MYH9: variants seen among roughly 807,000 people sequenced by gnomAD.
The protein encoded by MYH9 is myosin-9.
Under a neutral mutation model 241.9 loss-of-function variants are expected in MYH9, and 29 were observed. That is an observed-to-expected ratio of 0.12 (90% CI 0.09 to 0.16). MYH9 has a LOEUF of 0.16. Ranked by LOEUF, MYH9 falls within the 10% of genes least tolerant of loss-of-function variation. MYH9 has a pLI of 1.00. For synonymous variants in MYH9, 1,047 were observed against 1,062.6 expected, an observed-to-expected ratio of 0.99 and a Z score of 0.29; for missense variants, 1,803 against 2,595.5, an observed-to-expected ratio of 0.69 and a Z score of 6.63.
chr22:36,375,513 G>A (rs1224162258), intron 1 of MYH9, among the ~76,000 whole-genome samples: 1 of 152,234 alleles, frequency 6.6e-6, no homozygotes, highest in Non-Finnish European at 1.5e-5. Flanking sequence ...AGCCACTGGT[G>A]AGGGTGGAGG....
intron 1 of MYH9, among the ~76,000 whole-genome samples, chr22:36,354,840 T>C (rs1023550991): frequency 6.6e-6 from 1 of 151,968 alleles, no homozygotes; most frequent in African/African-American, 2.4e-5. Flanking sequence ...TCCCATCCAA[T>C]TGTTTTCCAA....
At chr22:36,340,991 G>A (rs1054559815) in intron 3 of MYH9, among the ~76,000 whole-genome samples, 2 of 152,084 alleles carry the variant, frequency 1.3e-5, no homozygotes, top group Non-Finnish European at 2.9e-5. Flanking sequence ...GAACTCGAAC[G>A]TGTTTCTAGA....
intron 5 of MYH9, 87 bp from the exon 6 acceptor site, chr22:36,322,608 G>A (rs1603483477): frequency 7.6e-7 from 1 of 1,322,026 alleles, no homozygotes; most frequent in Non-Finnish European, 1.1e-6. Flanking sequence ...CGATGGCAGA[G>A]CCGTGTCAGC....
In MYH9 at chr22:36,282,555, G is replaced by A. The variant is rs2016508914; in HGVS notation, c.*113C>T. 3 of 990,348 alleles carry A rather than the reference G, an allele frequency of 3.0e-6. No homozygotes were observed. The highest frequency in any genetic ancestry group is 3.2e-6 in the Non-Finnish European group (2 of 621,742). The allele number at this position is 990,348 out of a possible 1,614,324, so 61.3% of individuals were successfully genotyped here. A position where few individuals can be genotyped will look rare whatever the true frequency, so the allele number is the denominator to read the frequency against. Reference sequence around the variant, plus strand: ...GGGGGGACGGGGCGGAGGGCAGGAGGAGGCATGTTCACAGCAGTCCCAAGA... The same window carrying A: ...GGGGGGACGGGGCGGAGGGCAGGAGAAGGCATGTTCACAGCAGTCCCAAGA... On this transcript the variant is annotated 3_prime_UTR_variant, in exon 41 of 41. Coordinates refer to ENST00000216181, the MANE Select transcript of MYH9 (RefSeq NM_002473.6).
In MYH9 at chr22:36,320,876, C is replaced by T. The variant is rs1050634599; in HGVS notation, c.790G>A (p.Ala264Thr). Residue 264 changes from alanine to threonine, a missense_variant, in exon 8 of 41, where the codon GCT becomes ACT. Transcript: ENST00000216181. This position sits in a 1 kb window ranked among gnomAD's most constrained non-coding sequence, Gnocchi z 4.8. ...CGTTCTTCCTTGGCTTGGCGGATAG[C>T]ACGAGATTTCTCCAAAAGATCTTTG... ...IETYLLEKSR[A>T]IRQAKEERTF... 6.8e-6 allele frequency: 11 copies of T among 1,613,762 alleles called. No individual in the cohort carries two copies. The highest frequency in any genetic ancestry group is 7.6e-6 in the Non-Finnish European group (9 of 1,179,866).
chr22:36,376,536 G>A (rs2018169998), intron 1 of MYH9, among the ~76,000 whole-genome samples: 1 of 152,200 alleles, frequency 6.6e-6, no homozygotes, highest in Admixed American at 6.5e-5. Context: ...CCAGCACAGT[G>A]CAGACCACAT....
chr22:36,350,130 TAA>T (rs199889869), intron 1 of MYH9, among the ~76,000 whole-genome samples: 1 of 152,202 alleles, frequency 6.6e-6, no homozygotes, highest in Non-Finnish European at 1.5e-5. Flanking sequence ...TGGAGAATGC[TAA>T]GAGTGCTTCC....
At chr22:36,331,107 G>A (rs962393699) in intron 3 of MYH9, among the ~76,000 whole-genome samples, 4 of 152,122 alleles carry the variant, frequency 2.6e-5, no homozygotes, top group African/African-American at 9.7e-5. Context: ...GAGCAGTTCT[G>A]CAAAGGAGGA....
At chr22:36,312,959 A>G (rs1330002701) in intron 13 of MYH9, among the ~76,000 whole-genome samples, 1 of 151,890 alleles carries the variant, frequency 6.6e-6, no homozygotes, top group African/African-American at 2.4e-5. Flanking sequence ...TAATACAAAA[A>G]TAAGCCTGTA....
In MYH9 at chr22:36,300,278, G is replaced by A. The variant is rs750337577; in HGVS notation, c.2839-14C>T. The A allele has an allele frequency of 8.7e-6, 14 of 1,612,008 alleles. No individual in the cohort carries two copies. The highest frequency in any genetic ancestry group is 2.2e-5 in the South Asian group (2 of 91,080). ...CTCCTCAAGCTCCTGCCGGGGGCCA[G>A]AGACACGGTAAGGACAGCAGGCCCA... On this transcript the variant is annotated splice_polypyrimidine_tract_variant and intron_variant, in intron 22 of 40. Transcript: ENST00000216181. The surrounding 1 kb of genome is among the most constrained non-coding windows in gnomAD (Gnocchi z 5.0).
At position 36,305,200 on chromosome 22, in the gene MYH9, C is replaced by T. The variant is rs1212170945; in HGVS notation, c.2160-98G>A. 1.9e-6 allele frequency: 2 copies of T among 1,070,750 alleles called. No individual in the cohort carries two copies. The highest frequency in any genetic ancestry group is 1.8e-5 in the Admixed American group (1 of 54,062). The allele number at this position is 1,070,750 out of a possible 1,614,324, so 66.3% of individuals were successfully genotyped here. On this transcript the variant is annotated intron_variant, in intron 17 of 40. Transcript: ENST00000216181. The surrounding 1 kb of genome is among the most constrained non-coding windows in gnomAD (Gnocchi z 4.7). The stretch of plus-strand genomic sequence containing the variant: ...GATTAACATCATTTCTACAATGCAA[C>T]AGACACAGAATTCTTTACACAAACT...
intron 13 of MYH9, among the ~76,000 whole-genome samples, chr22:36,312,783 T>C (rs1293441161): frequency 5.3e-5 from 8 of 152,092 alleles, no homozygotes; most frequent in African/African-American, 1.9e-4. Flanking sequence ...AGTTGGAAAA[T>C]TCAACTGATT....
At chr22:36,335,386 G>A (rs921504420) in intron 3 of MYH9, among the ~76,000 whole-genome samples, 1 of 152,236 alleles carries the variant, frequency 6.6e-6, no homozygotes, top group Non-Finnish European at 1.5e-5. Context: ...AGCAGACAGC[G>A]GTGCCTTTGT....
Position 36,341,532 on chromosome 22 carries a change from G to C in MYH9, c.334-6C>G. 6.2e-7 allele frequency: 1 copy of C among 1,613,720 alleles called. No individual in the cohort carries two copies. Among genetic ancestry groups the C allele is most frequent in the African/African-American group, 1.3e-5 (1 of 75,066 alleles). On this transcript the variant is annotated splice_polypyrimidine_tract_variant and splice_region_variant and intron_variant, in intron 2 of 40. Transcript: ENST00000216181. The stretch of plus-strand genomic sequence containing the variant: ...CAGAACAGGCCTGAATAGGTCTAAA[G>C]AAAAGAGCGGCAGATAGGAACAGGT...
chr22:36,329,753 G>A lies in MYH9; in HGVS notation c.491-2265C>T, dbSNP rs191794428. The stretch of plus-strand genomic sequence containing the variant: ...GGAAGCAGAGCCCCCAAACACACTC[G>A]AGGGCATGCACACAGAGGCGCACGC... On this transcript the variant is annotated intron_variant, in intron 3 of 40. Coordinates refer to ENST00000216181, the MANE Select transcript of MYH9 (RefSeq NM_002473.6). The surrounding 1 kb of genome is among the most constrained non-coding windows in gnomAD (Gnocchi z 4.1). 6.6e-6 allele frequency among the ~76,000 whole-genome samples: 1 copy of A among 152,176 alleles called. No homozygotes were observed. Among genetic ancestry groups the A allele is most frequent in the Non-Finnish European group, 1.5e-5 (1 of 68,034 alleles).
Position 36,285,026 on chromosome 22 carries a change from A to G in MYH9, c.5483+95T>C. 8.6e-7 allele frequency: 1 copy of G among 1,166,560 alleles called. No homozygotes were observed. Among genetic ancestry groups the G allele is most frequent in the South Asian group, 1.3e-5 (1 of 76,020 alleles). The allele number at this position is 1,166,560 out of a possible 1,614,324, so 72.3% of individuals were successfully genotyped here. On this transcript the variant is annotated intron_variant, in intron 38 of 40. Transcript: ENST00000216181. The surrounding 1 kb of genome is among the most constrained non-coding windows in gnomAD (Gnocchi z 7.0). ...GGAAACAGCCCCAGGCTCAGGAGAC[A>G]GAGAGCTGGTTGTGGCCCAGATTTG...
intron 1 of MYH9, among the ~76,000 whole-genome samples, chr22:36,377,956 G>C (rs1277218059): frequency 6.6e-6 from 1 of 151,670 alleles, no homozygotes; most frequent in Non-Finnish European, 1.5e-5. Flanking sequence ...ACCACCTGAG[G>C]AGAGATGATG....
chr22:36,289,425 A>C, intron 31 of MYH9, 128 bp from the exon 32 acceptor site: 1 of 829,296 alleles, frequency 1.2e-6, no homozygotes, highest in Non-Finnish European at 1.9e-6. Flanking sequence ...CCTAGGAAGC[A>C]CAGGCCCAGG....
Position 36,305,182 on chromosome 22 carries a change from A to G in MYH9, c.2160-80T>C. Reference sequence around the variant, plus strand: ...CCTGGAATATAGGCGAGAGATTAACATCATTTCTACAATGCAACAGACACA... The same window carrying G: ...CCTGGAATATAGGCGAGAGATTAACGTCATTTCTACAATGCAACAGACACA... On this transcript the variant is annotated intron_variant, in intron 17 of 40. Transcript: ENST00000216181. This position sits in a 1 kb window ranked among gnomAD's most constrained non-coding sequence, Gnocchi z 4.7. 8.1e-7 allele frequency: 1 copy of G among 1,230,308 alleles called. No homozygotes were observed. The highest frequency in any genetic ancestry group is 1.2e-6 in the Non-Finnish European group (1 of 833,898). 76.2% of individuals were successfully genotyped at this position (1,230,308 alleles called of 1,614,324 possible).
Sources: gnomAD v4.1 joint callset for allele counts (sites outside exome capture counted in the v4.1 genomes callset) on GRCh38, gnomAD v4.1.1 for gene constraint, Gnocchi (gnomAD v3.1) non-coding constraint, MANE v1.5 for transcripts, NCBI Gene and HGNC (gene_info 2026-07-23, HGNC 2026-07-21) for gene names.